Variants in GSE1 observed in about 807,000 individuals in gnomAD.
The protein encoded by GSE1 is Gse1 coiled-coil protein, also known as genetic suppressor element 1.
GSE1 carries 32 observed loss-of-function variants against 112.6 expected under a neutral mutation model. The ratio of observed to expected loss-of-function variants is 0.28; its 90% CI spans 0.21 to 0.38. The LOEUF (loss-of-function observed/expected upper bound fraction) is 0.38. Ranked by LOEUF, GSE1 falls within the 10% of genes least tolerant of loss-of-function variation. The pLI is 1.00. For synonymous variants in GSE1, 1,115 were observed against 735.6 expected, an observed-to-expected ratio of 1.52 and a Z score of -8.35; for missense variants, 2,348 against 1,699.2, an observed-to-expected ratio of 1.38 and a Z score of -6.71.
At chr16:85,478,905 TTCTTTCTTTCTTTCTTTCTTTCTC>T (rs1567520656) in intron 2 of GSE1, among the ~76,000 whole-genome samples, 792 of 77,696 alleles carry the variant, frequency 0.01, 62 homozygotes, top group African/African-American at 0.04. Context: ...CTTTCTTTCT[TTCTTTCTTTCTTTCTTTCTTTCTC>T]TTTCTTTCTT....
At chr16:85,633,013 T>TGCCGCCGCCGCCGCCGCC (rs71153808) in intron 1 of GSE1, among the ~76,000 whole-genome samples, 13 of 146,102 alleles carry the variant, frequency 8.9e-5, no homozygotes, top group African/African-American at 3.0e-4. Context: ...AGACCTCTGG[T>TGCCGCCGCCGCCGCCGCC]GCCGCCGCCG....
intron 1 of GSE1, among the ~76,000 whole-genome samples, chr16:85,588,932 C>T (rs1219510978): frequency 3.9e-5 from 6 of 152,160 alleles, no homozygotes; most frequent in Non-Finnish European, 2.9e-5. Context: ...GGGACTTTCA[C>T]ATGTTCACAC....
chr16:85,667,229 C>T (rs1039757649), intron 13 of GSE1, among the ~76,000 whole-genome samples: 1 of 152,264 alleles, frequency 6.6e-6, no homozygotes, highest in Non-Finnish European at 1.5e-5. Context: ...AGGACACTTT[C>T]TGCCTTATTC....
chr16:85,324,525 A>T (rs1385615204), intron 1 of GSE1, among the ~76,000 whole-genome samples: 1 of 151,918 alleles, frequency 6.6e-6, no homozygotes, highest in African/African-American at 2.4e-5. Flanking sequence ...AAAAAAAAAA[A>T]AGAAAAAGAA....
At chr16:85,270,109 C>T (rs945521168) in intron 1 of GSE1, among the ~76,000 whole-genome samples, 3 of 149,186 alleles carry the variant, frequency 2.0e-5, no homozygotes, top group South Asian at 2.1e-4. Context: ...TGGAGCCTAG[C>T]GTGGCTTCAC....
In GSE1 at chr16:85,199,772, C is replaced by G. The variant is rs529645131; in HGVS notation, c.2283+27965C>G. Among the ~76,000 whole-genome samples the G allele has an allele frequency of 1.4e-4, 21 of 152,248 alleles. 1 individual carries two copies. The highest frequency in any genetic ancestry group is 4.8e-4 in the African/African-American group (20 of 41,534). On this transcript the variant is annotated intron_variant, in intron 1 of 2. Transcript: ENST00000637419. ...ATGCTTTGCCCACTCAGCCACACAG[C>G]AGGGAACGGTTTTGAGCAGGGGTGT...
intron 1 of GSE1, among the ~76,000 whole-genome samples, chr16:85,177,210 C>T (rs1039623332): frequency 2.6e-5 from 4 of 152,242 alleles, no homozygotes; most frequent in Non-Finnish European, 4.4e-5. Context: ...GAGCCAGGGT[C>T]GGCAAAGCTT....
intron 1 of GSE1, among the ~76,000 whole-genome samples, chr16:85,273,955 C>A (rs1909105837): frequency 6.6e-6 from 1 of 151,286 alleles, no homozygotes; most frequent in African/African-American, 2.4e-5. Context: ...CCTCGGCCTC[C>A]CAAAGTGCTG....
At chr16:85,254,623 A>T (rs1159080370) in intron 1 of GSE1, among the ~76,000 whole-genome samples, 1 of 152,034 alleles carries the variant, frequency 6.6e-6, no homozygotes. Flanking sequence ...CTGTCCACAC[A>T]TCCTCGCGCC....
chr16:85,463,291 T>G (rs943075447), intron 2 of GSE1, among the ~76,000 whole-genome samples: 10 of 152,136 alleles, frequency 6.6e-5, no homozygotes, highest in East Asian at 1.9e-4. Context: ...CAGCGCCGCC[T>G]CCTCATGCTG....
At chr16:85,520,330 C>T (rs1219520703) in intron 2 of GSE1, among the ~76,000 whole-genome samples, 1 of 151,762 alleles carries the variant, frequency 6.6e-6, no homozygotes, top group African/African-American at 2.4e-5. Flanking sequence ...AGGATTTCAA[C>T]ACAGGAATTG....
chr16:85,443,303 C>G (rs1273311200), intron 2 of GSE1, among the ~76,000 whole-genome samples: 2 of 152,228 alleles, frequency 1.3e-5, no homozygotes, highest in African/African-American at 4.8e-5. Flanking sequence ...CCGTTTCTCC[C>G]TTTGGTCCCT....
intron 1 of GSE1, among the ~76,000 whole-genome samples, chr16:85,304,662 C>G (rs2045625501): frequency 6.9e-6 from 1 of 145,294 alleles, no homozygotes; most frequent in African/African-American, 2.5e-5. Context: ...CAGCTGAGAA[C>G]GTGAAAAGCC....
At chr16:85,370,527 C>G (rs2047272820) in intron 2 of GSE1, among the ~76,000 whole-genome samples, 1 of 152,166 alleles carries the variant, frequency 6.6e-6, no homozygotes, top group Non-Finnish European at 1.5e-5. Context: ...GCAAAGGAGG[C>G]CCCTCAGGGG....
chr16:85,605,336 G>A (rs572101198), intron 1 of GSE1, among the ~76,000 whole-genome samples: 7 of 152,154 alleles, frequency 4.6e-5, no homozygotes, highest in Admixed American at 4.6e-4. Context: ...TAGGCCCAAT[G>A]TCCCAGGGCA....
At chr16:85,353,644 G>A (rs963171313) in intron 1 of GSE1, among the ~76,000 whole-genome samples, 4 of 152,090 alleles carry the variant, frequency 2.6e-5, no homozygotes, top group East Asian at 1.9e-4. Context: ...GGCCAGCCTC[G>A]GCAACAAGCA....
At chr16:85,248,798 G>T (rs967742466) in intron 1 of GSE1, among the ~76,000 whole-genome samples, 2 of 151,934 alleles carry the variant, frequency 1.3e-5, no homozygotes, top group Non-Finnish European at 2.9e-5. Flanking sequence ...CTCCCTTTGG[G>T]TGAAGATACC....
chr16:85,356,333 A>G (rs531525894), intron 1 of GSE1, among the ~76,000 whole-genome samples: 3 of 152,190 alleles, frequency 2.0e-5, no homozygotes, highest in Non-Finnish European at 4.4e-5. Context: ...CCGGGGCTGC[A>G]CCCTTGCAGT....
intron 1 of GSE1, among the ~76,000 whole-genome samples, chr16:85,175,812 C>T (rs58334195): frequency 1.0e-3 from 152 of 152,246 alleles, no homozygotes; most frequent in African/African-American, 3.4e-3. Context: ...GAAGCCTCGC[C>T]GCAGCCCGGT....
Sources: allele counts gnomAD v4.1 joint callset (sites outside exome capture counted in the v4.1 genomes callset), GRCh38; gene constraint gnomAD v4.1.1; transcripts MANE v1.5; gene names NCBI Gene and HGNC (gene_info 2026-07-23, HGNC 2026-07-21).